The following SLC28A3 variants were observed in gnomAD, a reference collection of about 807,000 sequenced individuals.
SLC28A3 encodes the protein solute carrier family 28 member 3.
Under a neutral mutation model 84.2 loss-of-function variants are expected in SLC28A3, and 68 were observed. The observed-to-expected ratio is 0.81, with a 90% CI of 0.66 to 0.99. The LOEUF (loss-of-function observed/expected upper bound fraction) is 0.99. SLC28A3 is among the 50% of genes least tolerant of loss of function. The pLI, the probability that SLC28A3 is intolerant of heterozygous loss-of-function variation, is 0.00. For missense variants in SLC28A3, 712 were observed against 841.5 expected (o/e 0.85, Z 1.90); for synonymous variants, 267 against 303.6 (o/e 0.88, Z 1.25).
At chr9:84,354,854 GAAAAAAAGAAA>G in the SLC28A3 span, among the ~76,000 whole-genome samples, 1 of 115,372 alleles carries the variant, frequency 8.7e-6, no homozygotes, top group Non-Finnish European at 1.9e-5. Context: ...CTCAAAAAGA[GAAAAAAAGAAA>G]AAAAAAAGAA....
At chr9:84,296,011 A>T (rs1397003935) in intron 8 of SLC28A3, among the ~76,000 whole-genome samples, 1 of 152,228 alleles carries the variant, frequency 6.6e-6, no homozygotes, top group African/African-American at 2.4e-5. Flanking sequence ...CTGGAATGTT[A>T]GCAGAGGATT....
chr9:84,303,723 C>T (rs1477151640), intron 4 of SLC28A3, among the ~76,000 whole-genome samples: 1 of 152,188 alleles, frequency 6.6e-6, no homozygotes, highest in Non-Finnish European at 1.5e-5. Flanking sequence ...GGAGGATGCA[C>T]AGTGAGGGTT....
Position 84,313,468 on chromosome 9 carries a change from G to T in SLC28A3, c.61-14C>A. 1 of 1,606,520 alleles carries T rather than the reference G, an allele frequency of 6.2e-7. No homozygotes were observed. The highest frequency in any genetic ancestry group is 8.5e-7 in the Non-Finnish European group (1 of 1,174,812). ...GTTTTCTTCATTCTAAGAAAAAAGTGCAGATTGAAAAAATAAAAAGTTACA... is the reference window on the plus strand; with the variant it reads ...GTTTTCTTCATTCTAAGAAAAAAGTTCAGATTGAAAAAATAAAAAGTTACA... On this transcript the variant is annotated splice_polypyrimidine_tract_variant and intron_variant, in intron 1 of 17. Coordinates refer to ENST00000376238, the MANE Select transcript of SLC28A3 (RefSeq NM_001199633.2).
intron 4 of SLC28A3, 111 bp downstream of exon 4, chr9:84,305,143 C>T (rs190594347): frequency 0.013 from 11,382 of 892,756 alleles, 95 homozygotes; most frequent in Non-Finnish European, 0.016. Context: ...CAGTGAGGTC[C>T]CAGAGAAAAT....
rs760598124 is a variant in SLC28A3 at position 84,288,127 on chromosome 9, A to C, written c.1201T>G (p.Leu401Val). The part of the protein sequence containing the change: ...TASVMSAPAS[L>V]AAAKLFWPET... ...GGCCAAAAGAGTTTAGCAGCAGCCA[A>C]TGACGCAGGTGCTGACATAACTGAC... Residue 401 changes from leucine to valine, a missense_variant, in exon 12 of 18, where the codon TTG becomes GTG. Physicochemically the swap from Leu to Val is conservative, Grantham distance 32. Transcript: ENST00000376238. 6.2e-7 allele frequency: 1 copy of C among 1,613,994 alleles called. No homozygotes were observed. The highest frequency in any genetic ancestry group is 1.3e-5 in the African/African-American group (1 of 74,924).
intron 14 of SLC28A3, 69 bp from the exon 15 acceptor site, chr9:84,280,951 G>C: frequency 7.0e-7 from 1 of 1,438,182 alleles, no homozygotes; most frequent in Non-Finnish European, 9.7e-7. Flanking sequence ...CATCCAACTG[G>C]GCTTCATTTT....
Position 84,311,517 on chromosome 9 carries a change from C to A in SLC28A3, c.157-1803G>T, listed in dbSNP as rs567674075. On this transcript the variant is annotated intron_variant, in intron 2 of 17. Coordinates refer to ENST00000376238, the MANE Select transcript of SLC28A3 (RefSeq NM_001199633.2). ...TGGACGCATGTATGATGGCATGTAT[C>A]CACCATTGTAGTATCAGGCATACTA... 8.4e-4 allele frequency among the ~76,000 whole-genome samples: 128 copies of A among 151,576 alleles called. 1 individual carries two copies. Among genetic ancestry groups the A allele is most frequent in the African/African-American group, 2.8e-3 (117 of 41,274 alleles).
At position 84,312,577 on chromosome 9, in the gene SLC28A3, C is replaced by A. The variant is rs564348573; in HGVS notation, c.156+782G>T. Among the ~76,000 whole-genome samples the A allele has an allele frequency of 1.1e-4, 16 of 143,490 alleles. No individual in the cohort carries two copies. The South Asian group carries it at 3.5e-3, about 31-fold the overall frequency. 94.1% of individuals were successfully genotyped at this position (143,490 alleles called of 152,430 possible). On this transcript the variant is annotated intron_variant, in intron 2 of 17. Transcript: ENST00000376238. ...TTTTTTTTTGAGAATCTCGCTCTGTCGCCCAGGCTGGAGTACAGTGGTGCC... is the reference window on the plus strand; with the variant it reads ...TTTTTTTTTGAGAATCTCGCTCTGTAGCCCAGGCTGGAGTACAGTGGTGCC...
At chr9:84,323,818 C>T (rs1826461654) in intron 1 of SLC28A3, among the ~76,000 whole-genome samples, 1 of 152,024 alleles carries the variant, frequency 6.6e-6, no homozygotes, top group South Asian at 2.1e-4. Flanking sequence ...TCCCCCTCCC[C>T]TCCAAATCTG....
At chr9:84,278,396 G>A in intron 17 of SLC28A3, 52 bp from the exon 18 acceptor site, 1 of 1,608,948 alleles carries the variant, frequency 6.2e-7, no homozygotes, top group South Asian at 1.1e-5. Flanking sequence ...GGCAGAAACA[G>A]TAGGTGAGCA....
the SLC28A3 span, among the ~76,000 whole-genome samples, chr9:84,361,112 G>A: frequency 1.3e-5 from 2 of 152,094 alleles, no homozygotes; most frequent in Non-Finnish European, 2.9e-5. Context: ...TTGGGAGGCC[G>A]AGGTGGGCAG....
chr9:84,303,000 C>T (rs1164969581), intron 4 of SLC28A3, among the ~76,000 whole-genome samples: 2 of 152,142 alleles, frequency 1.3e-5, no homozygotes, highest in Non-Finnish European at 2.9e-5. Context: ...TGGCCTGCCA[C>T]TTGTTTTTGC....
intron 10 of SLC28A3, among the ~76,000 whole-genome samples, chr9:84,291,339 T>A (rs1018726878): frequency 4.1e-5 from 6 of 144,766 alleles, no homozygotes; most frequent in African/African-American, 1.5e-4. Context: ...TAAGCATAGG[T>A]TTTTTTTCTT....
At chr9:84,330,839 C>G (rs1826757017) in intron 1 of SLC28A3, among the ~76,000 whole-genome samples, 1 of 152,132 alleles carries the variant, frequency 6.6e-6, no homozygotes, top group Non-Finnish European at 1.5e-5. Flanking sequence ...GTTATACCTA[C>G]TTTATTTTGC....
At chr9:84,287,695 CT>C (rs1298002596) in intron 12 of SLC28A3, among the ~76,000 whole-genome samples, 2 of 151,758 alleles carry the variant, frequency 1.3e-5, no homozygotes, top group African/African-American at 4.8e-5. Context: ...GACCCTGTTT[CT>C]AAAAAAAATT....
chr9:84,279,265 C>G lies in SLC28A3; in HGVS notation c.1949G>C (p.Ser650Thr). The G allele has an allele frequency of 6.2e-7, 1 of 1,607,882 alleles. No homozygotes were observed. Among genetic ancestry groups the G allele is most frequent in the Non-Finnish European group, 8.5e-7 (1 of 1,177,786 alleles). Residue 650 changes from serine to threonine, a missense_variant and splice_region_variant, in exon 17 of 18, where the codon AGC (serine) becomes ACC (threonine). Ser to Thr is a moderately conservative substitution (Grantham distance 58). Transcript: ENST00000376238. ...VIACCQSLLSSTVAKGPGEVI... is the reference protein window; with the variant it reads ...VIACCQSLLSTTVAKGPGEVI... ...GAAATTATAATCAAGAATACAATAC[C>G]TGCTCAACAGACTTTGGCAACAAGC...
At chr9:84,360,002 C>CAA in the SLC28A3 span, among the ~76,000 whole-genome samples, 32 of 56,032 alleles carry the variant, frequency 5.7e-4, no homozygotes, top group East Asian at 9.4e-4. Flanking sequence ...AACTCTGTCT[C>CAA]AAAAAAAAAA....
intron 8 of SLC28A3, among the ~76,000 whole-genome samples, chr9:84,295,521 G>A (rs1588577461): frequency 6.6e-6 from 1 of 152,184 alleles, no homozygotes; most frequent in East Asian, 1.9e-4. Flanking sequence ...GGAGGCAGAA[G>A]TTGCAGAGCC....
At chr9:84,359,468 G>A in the SLC28A3 span, among the ~76,000 whole-genome samples, 1 of 152,122 alleles carries the variant, frequency 6.6e-6, no homozygotes, top group African/African-American at 2.4e-5. Context: ...GTAAGGAACA[G>A]AATAAGGCAC....
Sources: gnomAD v4.1 joint callset for allele counts (sites outside exome capture counted in the v4.1 genomes callset) on GRCh38, gnomAD v4.1.1 for gene constraint, MANE v1.5 for transcripts, NCBI Gene and HGNC (gene_info 2026-07-23, HGNC 2026-07-21) for gene names.